ATP12A: variants seen among roughly 807,000 people sequenced by gnomAD.
ATP12A encodes ATPase H+/K+ transporting non-gastric alpha2 subunit.
In ATP12A, 81 loss-of-function variants were observed where a neutral mutation model predicts 111.2. The ratio of observed to expected loss-of-function variants is 0.73; its 90% confidence interval spans 0.61 to 0.88. ATP12A has a LOEUF of 0.88. ATP12A is among the 40% of genes least tolerant of loss of function. ATP12A has a pLI of 0.00. For synonymous variants in ATP12A, 498 were observed against 499.8 expected (o/e 1.00, Z 0.05); for missense variants, 1,196 against 1,313.1 (o/e 0.91, Z 1.38).
chr13:24,698,897 A>G (rs750242147), intron 12 of ATP12A, 47 bp downstream of exon 12: 42 of 1,598,294 alleles, frequency 2.6e-5, no homozygotes, highest in Non-Finnish European at 3.4e-5. Context: ...GGGCACAGAG[A>G]TGAGGCAGGC....
chr13:24,707,520 A>C, intron 17 of ATP12A, 87 bp downstream of exon 17: 1 of 1,546,932 alleles, frequency 6.5e-7, no homozygotes, highest in East Asian at 2.3e-5. Flanking sequence ...CCGGGGATGG[A>C]CTAACTCAAG....
Position 24,707,082 on chromosome 13 carries a change from A to G in ATP12A, c.2229A>G (p.Ala743=), listed in dbSNP as rs745339903. The G allele has an allele frequency of 6.2e-7, 1 of 1,614,014 alleles. No homozygotes were observed. Among genetic ancestry groups the G allele is most frequent in the East Asian group, 2.2e-5 (1 of 44,882 alleles). ...GVNDSPALKK[A]DIGIAMGIAG... is the part of the protein sequence containing the mutation. Reference sequence around the variant, plus strand: ...ATGACTCTCCGGCTCTAAAGAAGGCAGACATTGGGATTGCCATGGGGATAG... The same window carrying G: ...ATGACTCTCCGGCTCTAAAGAAGGCGGACATTGGGATTGCCATGGGGATAG... The change falls in exon 16 of 23, where the codon GCA becomes GCG. Residue 743 remains alanine (A), a synonymous_variant. Coordinates refer to ENST00000381946, the MANE Select transcript of ATP12A (RefSeq NM_001676.7).
rs1163195564 is a variant in ATP12A at position 24,692,843 on chromosome 13, T to C, written c.1324T>C (p.Leu442=). The change falls in exon 10 of 23, where the codon TTG becomes CTG. Residue 442 remains leucine, a synonymous_variant. Coordinates refer to ENST00000381946, the MANE Select transcript of ATP12A (RefSeq NM_001676.7). The part of the protein sequence containing the change: ...TWASLSKIIT[L]CNRAEFKPGQ... The stretch of plus-strand genomic sequence containing the variant: ...GGCCTCCTTATCCAAGATAATAACA[T>C]TGTGTAACCGAGCAGAGTTCAAGCC... 1 of 1,614,052 alleles carries C rather than the reference T, an allele frequency of 6.2e-7. No homozygotes were observed. Among genetic ancestry groups the C allele is most frequent in the Non-Finnish European group, 8.5e-7 (1 of 1,180,028 alleles).
rs181603986 is a variant in ATP12A at position 24,705,659 on chromosome 13, T to C, written c.2019-654T>C. Among the ~76,000 whole-genome samples the C allele has an allele frequency of 3.0e-4, 46 of 152,156 alleles. 1 individual carries two copies. The East Asian group carries it at 7.7e-3, about 26-fold the overall frequency. On this transcript the variant is annotated intron_variant, in intron 14 of 22. Transcript: ENST00000381946. ...GACCCAAAACATATGAACAGGCAGT[T>C]TGGGGGTTTTATTTTTATTTTTGTT... is the stretch of plus-strand genomic sequence containing the variant.
At chr13:24,692,973 T>G in intron 10 of ATP12A, 77 bp downstream of exon 10, 1 of 1,341,098 alleles carries the variant, frequency 7.5e-7, no homozygotes, top group Non-Finnish European at 1.1e-6. Context: ...GGGTGCTTGA[T>G]TTCATCTCTC....
At chr13:24,683,116 C>A (rs1874543142) in intron 2 of ATP12A, among the ~76,000 whole-genome samples, 1 of 151,962 alleles carries the variant, frequency 6.6e-6, no homozygotes, top group Non-Finnish European at 1.5e-5. Context: ...GCCATCACAC[C>A]CAGCTAATTT....
At chr13:24,694,309 C>T (rs1354991510) in intron 10 of ATP12A, 135 bp from the exon 11 acceptor site, 3 of 1,155,220 alleles carry the variant, frequency 2.6e-6, no homozygotes, top group Non-Finnish European at 3.7e-6. Flanking sequence ...GGTCTTGCGG[C>T]CCTCCCTGAT....
intron 4 of ATP12A, 71 bp from the exon 5 acceptor site, chr13:24,689,191 G>A: frequency 1.6e-6 from 2 of 1,214,372 alleles, no homozygotes; most frequent in South Asian, 1.2e-5. Flanking sequence ...CTCCCGTGGA[G>A]AGCTCTAGCC....
At chr13:24,709,279 G>GGCCCCC in intron 17 of ATP12A, 85 bp from the exon 18 acceptor site, 10 of 211,220 alleles carry the variant, frequency 4.7e-5, no homozygotes, top group East Asian at 9.1e-5. Context: ...TCCAGCCAGT[G>GGCCCCC]CCCCACCCAC....
intron 11 of ATP12A, 100 bp downstream of exon 11, chr13:24,694,678 C>A: frequency 6.4e-7 from 1 of 1,568,358 alleles, no homozygotes; most frequent in Non-Finnish European, 8.7e-7. Context: ...GGATACCTGG[C>A]TTCAAAGACA....
chr13:24,698,660 C>T lies in ATP12A; in HGVS notation c.1515C>T (p.Leu505=). ...IPFNSTNKFQ[L]SIHEMDDPHG... is the part of the protein sequence containing the mutation. ...ACGCTCAGTTCATTCCTTCCCAGCT[C>T]TCCATCCACGAGATGGATGACCCCC... The change falls in exon 12 of 23, where the codon CTC becomes CTT. Residue 505 remains leucine (L), a splice_region_variant and synonymous_variant. Coordinates refer to ENST00000381946, the MANE Select transcript of ATP12A (RefSeq NM_001676.7). The T allele has an allele frequency of 3.1e-6, 5 of 1,613,146 alleles. No homozygotes were observed. Among genetic ancestry groups the T allele is most frequent in the Non-Finnish European group, 4.2e-6 (5 of 1,179,912 alleles).
chr13:24,698,822 G>A lies in ATP12A; in HGVS notation c.1677G>A (p.Glu559=), dbSNP rs1875278001. 1 of 1,613,934 alleles carries A rather than the reference G, an allele frequency of 6.2e-7. No individual in the cohort carries two copies. The highest frequency in any genetic ancestry group is 8.5e-7 in the Non-Finnish European group (1 of 1,180,036). ...TAKTFHTAYM[E]LGGLGERVLG... ...AGACCTTCCACACAGCCTACATGGA[G>A]CTGGGCGGGTTGGGCGAGCGTGTGC... The change falls in exon 12 of 23, where the codon GAG becomes GAA. Residue 559 remains glutamate, a synonymous_variant. Transcript: ENST00000381946.
chr13:24,708,684 G>A (rs953683269), intron 17 of ATP12A, among the ~76,000 whole-genome samples: 1 of 151,420 alleles, frequency 6.6e-6, no homozygotes, highest in Non-Finnish European at 1.5e-5. Flanking sequence ...AGTCCAGCCT[G>A]GTCAACACAG....
At chr13:24,710,268 T>A (rs1445423591) in intron 19 of ATP12A, among the ~76,000 whole-genome samples, 192 bp from the exon 20 acceptor site, 2 of 152,206 alleles carry the variant, frequency 1.3e-5, no homozygotes, top group African/African-American at 2.4e-5. Context: ...GATAATTTTT[T>A]AAAAAATTAA....
rs769053139 is a variant in ATP12A, at chr13:24,680,738, C to G, written c.-6C>G. 19 of 1,503,908 alleles carry G rather than the reference C, an allele frequency of 1.3e-5. No individual in the cohort carries two copies. In the South Asian group the frequency reaches 2.3e-4, roughly 19 times the overall value. 93.2% of individuals were successfully genotyped at this position (1,503,908 alleles called of 1,614,324 possible). A position where few individuals can be genotyped will look rare whatever the true frequency, so the allele number is the denominator to read the frequency against. ...CGCCCGCAGCCCGCGGCGCCACCAG[C>G]CCAGCATGCACCAGGTGCGTGCAGC... On this transcript the variant is annotated 5_prime_UTR_variant, in exon 1 of 23. Transcript: ENST00000381946.
Position 24,690,811 on chromosome 13 carries a change from A to T in ATP12A, c.799+90A>T, listed in dbSNP as rs1028500451. 2.8e-6 allele frequency: 4 copies of T among 1,449,170 alleles called. No individual in the cohort carries two copies. The African/African-American group carries it at 4.2e-5, about 15-fold the overall frequency. The allele number at this position is 1,449,170 out of a possible 1,614,324, so 89.8% of individuals were successfully genotyped here. A position where few individuals can be genotyped will look rare whatever the true frequency, so the allele number is the denominator to read the frequency against. The stretch of plus-strand genomic sequence containing the variant: ...GGTCTGTCCTTTGCCACACCCCGTT[A>T]CAAAGCTCATCCCAGAGGAAGCATG... On this transcript the variant is annotated intron_variant, in intron 7 of 22. Coordinates refer to ENST00000381946, the MANE Select transcript of ATP12A (RefSeq NM_001676.7).
chr13:24,696,936 A>C (rs1190757275), intron 11 of ATP12A, among the ~76,000 whole-genome samples: 1 of 152,206 alleles, frequency 6.6e-6, no homozygotes, highest in Admixed American at 6.5e-5. Context: ...TATTGATTAG[A>C]ATGGTGATGC....
Position 24,690,432 on chromosome 13 carries a change from T to A in ATP12A, c.641T>A (p.Ile214Asn). 2 of 1,613,490 alleles carry A rather than the reference T, an allele frequency of 1.2e-6. No individual in the cohort carries two copies. The highest frequency in any genetic ancestry group is 1.7e-6 in the Non-Finnish European group (2 of 1,179,920). The change falls in exon 6 of 23, where the codon ATC becomes AAC. Residue 214 changes from isoleucine to asparagine, a missense_variant. Physicochemically the swap from Ile to Asn is moderately radical, Grantham distance 149 (BLOSUM62 -3). Around this residue, in one of 3 missense-constraint regions of ATP12A, gnomAD observed 1,126 missense variants for 1,228.5 expected, o/e 0.92. Coordinates refer to ENST00000381946, the MANE Select transcript of ATP12A (RefSeq NM_001676.7). ...DIVEVKGGDQ[I>N]PADIRVLSSQ... The stretch of plus-strand genomic sequence containing the variant: ...GTGGAGGTCAAAGGAGGAGACCAGA[T>A]CCCTGCAGACATCAGGGTGCTGTCT...
chr13:24,700,733 C>T lies in ATP12A; in HGVS notation c.1706-14C>T. 6.2e-7 allele frequency: 1 copy of T among 1,601,502 alleles called. No individual in the cohort carries two copies. Among genetic ancestry groups the T allele is most frequent in the Non-Finnish European group, 8.5e-7 (1 of 1,171,078 alleles). On this transcript the variant is annotated splice_polypyrimidine_tract_variant and intron_variant, in intron 12 of 22. Coordinates refer to ENST00000381946, the MANE Select transcript of ATP12A (RefSeq NM_001676.7). ...TTCTAGTTTCACTGACTCACTAATT[C>T]ATCTGTATTACAGGTTTCTGTCATC...
Sources: gnomAD v4.1 joint callset for allele counts (sites outside exome capture counted in the v4.1 genomes callset) on GRCh38, gnomAD v4.1.1 for gene constraint, gnomAD v4.1.1 regional missense constraint, MANE v1.5 for transcripts, NCBI Gene and HGNC (gene_info 2026-07-23, HGNC 2026-07-21) for gene names.